PLCB4: variants seen among roughly 807,000 people sequenced by gnomAD.
PLCB4 encodes phospholipase C beta 4, also known as 1-phosphatidylinositol 4,5-bisphosphate phosphodiesterase beta-4.
PLCB4 carries 77 observed loss-of-function variants against 178.8 expected under a neutral mutation model. That is an observed-to-expected ratio of 0.43 (90% CI 0.36 to 0.52). The LOEUF is 0.52. Among genes scored for constraint, PLCB4 ranks in the 20% least tolerant of loss-of-function variants. PLCB4 has a pLI of 0.00. For synonymous variants in PLCB4, 496 were observed against 490.8 expected (o/e 1.01, Z -0.14); for missense variants, 1,024 against 1,453.4 (o/e 0.70, Z 4.80).
intron 3 of PLCB4, among the ~76,000 whole-genome samples, chr20:9,293,930 C>A (rs1278920494): frequency 6.6e-6 from 1 of 151,998 alleles, no homozygotes; most frequent in East Asian, 1.9e-4. Flanking sequence ...GTGCAAAATG[C>A]TCAGTACCGG....
intron 2 of PLCB4, among the ~76,000 whole-genome samples, chr20:9,208,212 C>G (rs577119386): frequency 1.3e-5 from 2 of 152,328 alleles, no homozygotes; most frequent in Non-Finnish European, 2.9e-5. Flanking sequence ...ATTCATGCTC[C>G]TTTGCTTACC....
intron 3 of PLCB4, among the ~76,000 whole-genome samples, chr20:9,286,228 ATGCCTACAATTAGGTAGTT>A (rs2094535456): frequency 6.6e-6 from 1 of 152,028 alleles, no homozygotes; most frequent in African/African-American, 2.4e-5. Flanking sequence ...TTGGACATAG[ATGCCTACAATTAGGTAGTT>A]TATCAATAAT....
At chr20:9,409,551 G>A (rs1446247625) in intron 24 of PLCB4, among the ~76,000 whole-genome samples, 2 of 152,176 alleles carry the variant, frequency 1.3e-5, no homozygotes, top group South Asian at 2.1e-4. Flanking sequence ...TACAGTAACA[G>A]CGACTCATTT....
At chr20:9,251,268 G>A (rs1448536515) in intron 3 of PLCB4, among the ~76,000 whole-genome samples, 1 of 152,142 alleles carries the variant, frequency 6.6e-6, no homozygotes, top group East Asian at 1.9e-4. Context: ...TGAAAGTGTG[G>A]TCCTCATATC....
chr20:9,125,328 A>G (rs1325877993), intron 2 of PLCB4, among the ~76,000 whole-genome samples: 3 of 152,334 alleles, frequency 2.0e-5, no homozygotes, highest in Non-Finnish European at 4.4e-5. Context: ...TTATTAAGGT[A>G]TATTATACTC....
intron 19 of PLCB4, among the ~76,000 whole-genome samples, chr20:9,401,157 T>C (rs2038995193): frequency 6.6e-6 from 1 of 152,234 alleles, no homozygotes; most frequent in Non-Finnish European, 1.5e-5. Flanking sequence ...GTTATAGATA[T>C]TCCTGCAGTG....
In PLCB4 at chr20:9,128,980, ATATGGTAG is replaced by A. The variant is rs530111751; in HGVS notation, c.-79+32643_-79+32650del. On this transcript the variant is annotated intron_variant, in intron 2 of 39. Coordinates refer to ENST00000378473, the MANE Select transcript of PLCB4 (RefSeq NM_001377142.1). ...AGAATGATGTGCTCAAGGTTCATCC[ATATGGTAG>A]TATGTGTCAGAATTTCCTTGTGTTT... Among the ~76,000 whole-genome samples the A allele has an allele frequency of 3.7e-4, 57 of 152,308 alleles. 1 individual carries two copies. The highest frequency in any genetic ancestry group is 1.1e-3 in the African/African-American group (46 of 41,574).
intron 11 of PLCB4, among the ~76,000 whole-genome samples, chr20:9,372,772 G>T (rs2036361719): frequency 6.7e-6 from 1 of 149,872 alleles, no homozygotes; most frequent in Non-Finnish European, 1.5e-5. Context: ...CTTACATGTT[G>T]TTTTTGAAAT....
intron 3 of PLCB4, among the ~76,000 whole-genome samples, chr20:9,278,235 A>G (rs1233692979): frequency 6.6e-6 from 1 of 152,070 alleles, no homozygotes; most frequent in Non-Finnish European, 1.5e-5. Flanking sequence ...ACCTTCTACT[A>G]CAAATTGAAA....
At chr20:9,163,187 AT>A (rs2092916909) in intron 2 of PLCB4, among the ~76,000 whole-genome samples, 1 of 152,136 alleles carries the variant, frequency 6.6e-6, no homozygotes, top group Non-Finnish European at 1.5e-5. Context: ...AACTAACTAA[AT>A]TGGGAGATGG....
At chr20:9,392,646 C>T (rs895812532) in intron 17 of PLCB4, among the ~76,000 whole-genome samples, 7 of 152,038 alleles carry the variant, frequency 4.6e-5, no homozygotes, top group Non-Finnish European at 1.0e-4. Flanking sequence ...AGCTTTCAAC[C>T]TTGGGAGTGG....
intron 13 of PLCB4, among the ~76,000 whole-genome samples, chr20:9,383,722 C>A (rs560663646): frequency 1.6e-4 from 25 of 152,220 alleles, no homozygotes; most frequent in Non-Finnish European, 2.6e-4. Flanking sequence ...TCAGTGAGAA[C>A]AATGTCTTAT....
At chr20:9,373,236 C>A in intron 12 of PLCB4, 132 bp downstream of exon 12, 1 of 534,282 alleles carries the variant, frequency 1.9e-6, no homozygotes, top group Non-Finnish European at 3.4e-6. Flanking sequence ...TCCATTATGG[C>A]TTTACCAGGT....
At chr20:9,317,372 A>G (rs2094910475) in intron 4 of PLCB4, among the ~76,000 whole-genome samples, 1 of 152,100 alleles carries the variant, frequency 6.6e-6, no homozygotes, top group South Asian at 2.1e-4. Context: ...CTTTTCTAAG[A>G]TGCTCTCATT....
At chr20:9,454,540 C>A (rs1234035159) in intron 33 of PLCB4, among the ~76,000 whole-genome samples, 3 of 152,144 alleles carry the variant, frequency 2.0e-5, no homozygotes, top group Non-Finnish European at 2.9e-5. Context: ...AATGAGATTT[C>A]TTTTTCCTAC....
At chr20:9,175,579 G>A (rs537631640) in intron 2 of PLCB4, among the ~76,000 whole-genome samples, 1 of 152,232 alleles carries the variant, frequency 6.6e-6, no homozygotes, top group African/African-American at 2.4e-5. Context: ...TTATGCTGGA[G>A]TGCACCAATT....
intron 3 of PLCB4, among the ~76,000 whole-genome samples, chr20:9,282,939 A>G (rs774282237): frequency 9.2e-5 from 14 of 152,026 alleles, no homozygotes; most frequent in Non-Finnish European, 1.9e-4. Flanking sequence ...GGAAACCCCA[A>G]TGTACAAGTA....
At chr20:9,159,226 CT>C (rs960038058) in intron 2 of PLCB4, among the ~76,000 whole-genome samples, 4 of 152,118 alleles carry the variant, frequency 2.6e-5, no homozygotes, top group Admixed American at 2.6e-4. Flanking sequence ...AATCAGACTA[CT>C]TAGAAAATGG....
At chr20:9,332,226 A>AT (rs1331471363) in intron 4 of PLCB4, among the ~76,000 whole-genome samples, 1 of 151,950 alleles carries the variant, frequency 6.6e-6, no homozygotes, top group African/African-American at 2.4e-5. Context: ...CTGGAGGAGG[A>AT]TTTTTCTGAC....
Sources: gnomAD v4.1 joint callset for allele counts (sites outside exome capture counted in the v4.1 genomes callset) on GRCh38, gnomAD v4.1.1 for gene constraint, MANE v1.5 for transcripts, NCBI Gene and HGNC (gene_info 2026-07-23, HGNC 2026-07-21) for gene names.